Variants in HIVEP2 observed in about 807,000 individuals in gnomAD.
HIVEP2 encodes the protein transcription factor HIVEP2.
Under a neutral mutation model 180.7 loss-of-function variants are expected in HIVEP2, and 14 were observed. The ratio of observed to expected loss-of-function variants is 0.08; its 90% confidence interval spans 0.05 to 0.12. The LOEUF is 0.12. Among genes scored for constraint, HIVEP2 ranks in the 10% least tolerant of loss-of-function variants. HIVEP2 has a pLI of 1.00. For synonymous variants in HIVEP2, 1,184 were observed against 1,136.4 expected (o/e 1.04, Z -0.84); for missense variants, 2,579 against 3,008.5 (o/e 0.86, Z 3.34).
intron 1 of HIVEP2, among the ~76,000 whole-genome samples, chr6:142,936,826 A>T (rs1329790583): frequency 1.4e-5 from 2 of 142,532 alleles, no homozygotes; most frequent in Admixed American, 1.4e-4. Context: ...AAGGCAAGGA[A>T]TTTTTTTTTT....
At position 142,772,924 on chromosome 6, in the gene HIVEP2, G is replaced by T; in HGVS notation, c.1815C>A (p.His605Gln). 6.2e-7 allele frequency: 1 copy of T among 1,614,138 alleles called. No homozygotes were observed. The highest frequency in any genetic ancestry group is 1.3e-5 in the African/African-American group (1 of 75,028). The change falls in exon 5 of 10, where the codon CAC (histidine) becomes CAA (glutamine). Residue 605 changes from histidine to glutamine, a missense_variant. His to Gln is a conservative substitution (Grantham distance 24). Coordinates refer to ENST00000367603, the MANE Select transcript of HIVEP2 (RefSeq NM_006734.4). This position sits in a 1 kb window ranked among gnomAD's most constrained non-coding sequence, Gnocchi z 4.9. ...TCCTGCCATGGTGCTCGACTTCCAC[G>T]TGGCCCTCCTGTACCGAAGGCAGCT... ...AFELPSVQEG[H>Q]VEVEHHGRML...
At chr6:142,903,409 T>C (rs559945841) in intron 1 of HIVEP2, among the ~76,000 whole-genome samples, 39 of 152,244 alleles carry the variant, frequency 2.6e-4, no homozygotes, top group Non-Finnish European at 5.0e-4. Flanking sequence ...TGATGGACTC[T>C]CAGTATGTAA....
At chr6:142,919,354 A>G (rs1427658627) in intron 1 of HIVEP2, among the ~76,000 whole-genome samples, 1 of 152,198 alleles carries the variant, frequency 6.6e-6, no homozygotes, top group African/African-American at 2.4e-5. Flanking sequence ...AGAGCTTTAT[A>G]GTTTAATATT....
chr6:142,926,124 T>C (rs1214485062), intron 1 of HIVEP2, among the ~76,000 whole-genome samples: 1 of 152,240 alleles, frequency 6.6e-6, no homozygotes, highest in Non-Finnish European at 1.5e-5. Context: ...TTCATGCAAA[T>C]TTAAACTTTT....
rs775402314 is a variant in HIVEP2 at position 142,771,214 on chromosome 6, T to C, written c.3525A>G (p.Thr1175=). 37 of 1,614,170 alleles carry C rather than the reference T, an allele frequency of 2.3e-5. 1 individual carries two copies. The highest frequency in any genetic ancestry group is 3.3e-5 in the South Asian group (3 of 91,084). The change falls in exon 5 of 10, where the codon ACA becomes ACG. Residue 1175 remains threonine (T), a synonymous_variant. Coordinates refer to ENST00000367603, the MANE Select transcript of HIVEP2 (RefSeq NM_006734.4). The surrounding 1 kb of genome is among the most constrained non-coding windows in gnomAD (Gnocchi z 5.4). ...GTAAGTGCTTGCTTGTCATATAGGA[T>C]GTTGGTTGGATCAAGGGATTTCTCA... The part of the protein sequence containing the change: ...ESLRNPLIQP[T]SYMTSKHLPE...
intron 2 of HIVEP2, among the ~76,000 whole-genome samples, chr6:142,813,786 C>T (rs1776759743): frequency 1.3e-5 from 2 of 151,820 alleles, no homozygotes; most frequent in South Asian, 2.1e-4. Context: ...GGGCTGGTCT[C>T]GACTCCTGGA....
At chr6:142,912,197 T>C (rs1777427329) in intron 1 of HIVEP2, among the ~76,000 whole-genome samples, 1 of 152,208 alleles carries the variant, frequency 6.6e-6, no homozygotes, top group South Asian at 2.1e-4. Flanking sequence ...CAAAGCCACT[T>C]GTGTTTAGTG....
chr6:142,778,778 G>A (rs1007496030), intron 3 of HIVEP2, among the ~76,000 whole-genome samples: 1 of 151,964 alleles, frequency 6.6e-6, no homozygotes, highest in Non-Finnish European at 1.5e-5. Context: ...TTCTAAGTCT[G>A]GGAGGACTCA....
intron 2 of HIVEP2, among the ~76,000 whole-genome samples, chr6:142,804,676 GT>G (rs984114216): frequency 2.4e-4 from 36 of 152,152 alleles, no homozygotes; most frequent in Middle Eastern, 6.8e-3. Context: ...GTTAAAAATT[GT>G]TCTCTGACAC....
intron 3 of HIVEP2, among the ~76,000 whole-genome samples, chr6:142,782,110 A>T (rs896675491): frequency 3.2e-4 from 49 of 152,152 alleles, no homozygotes; most frequent in African/African-American, 8.9e-4. Context: ...AAACATTTTT[A>T]AAAATGTAAA....
intron 1 of HIVEP2, among the ~76,000 whole-genome samples, chr6:142,931,618 T>C (rs1562296630): frequency 2.0e-5 from 3 of 152,118 alleles, no homozygotes; most frequent in Non-Finnish European, 4.4e-5. Flanking sequence ...AGACAGTATA[T>C]AAAAATAATA....
intron 2 of HIVEP2, among the ~76,000 whole-genome samples, chr6:142,804,484 A>T (rs1253846606): frequency 6.6e-6 from 1 of 152,102 alleles, no homozygotes; most frequent in East Asian, 1.9e-4. Flanking sequence ...AAGAAAGAGA[A>T]TTATTAGTGC....
intron 2 of HIVEP2, among the ~76,000 whole-genome samples, chr6:142,818,887 C>T (rs1306405988): frequency 1.3e-5 from 2 of 151,048 alleles, no homozygotes; most frequent in Non-Finnish European, 2.9e-5. Flanking sequence ...CCTGTAATCC[C>T]AACACTTTGG....
At chr6:142,823,549 A>G (rs950440385) in intron 2 of HIVEP2, among the ~76,000 whole-genome samples, 5 of 152,210 alleles carry the variant, frequency 3.3e-5, no homozygotes, top group African/African-American at 1.2e-4. Flanking sequence ...TTTCTCTCAG[A>G]TGGTGTGGAC....
At chr6:142,796,758 A>G (rs920489492) in intron 2 of HIVEP2, among the ~76,000 whole-genome samples, 6 of 152,196 alleles carry the variant, frequency 3.9e-5, no homozygotes, top group Admixed American at 2.6e-4. Context: ...AAACATGATG[A>G]AAAATGTGCA....
At chr6:142,788,144 C>G (rs564918531) in intron 2 of HIVEP2, 2 of 152,242 alleles carry the variant, frequency 1.3e-5, no homozygotes, top group African/African-American at 4.8e-5. Context: ...TAACTTAGGC[C>G]TCTTTAAATA....
intron 9 of HIVEP2, among the ~76,000 whole-genome samples, chr6:142,756,387 A>C (rs929661018): frequency 6.6e-6 from 1 of 152,194 alleles, no homozygotes. Context: ...CTGACATGCC[A>C]GCAGGAGGCT....
chr6:142,925,889 C>T (rs1208367921), intron 1 of HIVEP2, among the ~76,000 whole-genome samples: 2 of 152,170 alleles, frequency 1.3e-5, no homozygotes, highest in East Asian at 3.8e-4. Flanking sequence ...CCTTAGCAGA[C>T]CTCCCAGTGA....
At chr6:142,914,558 G>A (rs1292706768) in intron 1 of HIVEP2, among the ~76,000 whole-genome samples, 2 of 152,200 alleles carry the variant, frequency 1.3e-5, no homozygotes, top group Admixed American at 6.5e-5. Context: ...CATAAACTGT[G>A]TGTTAAAATG....
Sources: allele counts gnomAD v4.1 joint callset (sites outside exome capture counted in the v4.1 genomes callset), GRCh38; gene constraint gnomAD v4.1.1; non-coding constraint Gnocchi (gnomAD v3.1); transcripts MANE v1.5; gene names NCBI Gene and HGNC (gene_info 2026-07-23, HGNC 2026-07-21).